The following PKD1L1 variants were observed in gnomAD, a reference collection of about 807,000 sequenced individuals.
The protein encoded by PKD1L1 is polycystin 1 like 1, transient receptor potential channel interacting, also known as polycystin-1-like protein 1.
A neutral mutation model predicts 323.4 loss-of-function variants in PKD1L1; 236 were observed. That is an observed-to-expected ratio of 0.73 (90% CI 0.66 to 0.81). The LOEUF is 0.81. PKD1L1 is among the 40% of genes least tolerant of loss of function. The pLI is 0.00. For missense variants in PKD1L1, 3,320 were observed against 3,508.0 expected, an observed-to-expected ratio of 0.95 and a Z score of 1.35; for synonymous variants, 1,344 against 1,335.0, an observed-to-expected ratio of 1.01 and a Z score of -0.15.
chr7:47,792,627 C>G lies in PKD1L1; in HGVS notation c.8526G>C (p.Glu2842Asp), dbSNP rs144364057. 1 of 1,610,964 alleles carries G rather than the reference C, an allele frequency of 6.2e-7. No homozygotes were observed. Among genetic ancestry groups the G allele is most frequent in the Non-Finnish European group, 8.5e-7 (1 of 1,178,134 alleles). The change falls in exon 56 of 57, where the codon GAG becomes GAC. Residue 2842 changes from glutamate (E) to aspartate (D), a missense_variant and splice_region_variant. Physicochemically the swap from Glu to Asp is conservative, Grantham distance 45. Transcript: ENST00000289672. ...CATAAATAATTTTGCATGGTCTTACCTCAGCAGCTTGGTAACTAGAAATGT... is the reference window on the plus strand; with the variant it reads ...CATAAATAATTTTGCATGGTCTTACGTCAGCAGCTTGGTAACTAGAAATGT... ...LVDISSYQAA[E>D]PADIKDF
chr7:47,951,704 G>A (rs1788207825), upstream of PKD1L1, among the ~76,000 whole-genome samples: 1 of 152,280 alleles, frequency 6.6e-6, no homozygotes, highest in Non-Finnish European at 1.5e-5. Flanking sequence ...TGTAATAGAT[G>A]GCATTTAATG....
chr7:47,873,649 CAAAAAAAAAAAAA>C (rs57012071), intron 24 of PKD1L1, among the ~76,000 whole-genome samples: 1 of 78,096 alleles, frequency 1.3e-5, no homozygotes, highest in African/African-American at 5.3e-5. Flanking sequence ...GACTCTGTCT[CAAAAAAAAAAAAA>C]AAAAAAAAAG....
intron 31 of PKD1L1, among the ~76,000 whole-genome samples, chr7:47,849,253 A>G (rs145610424): frequency 1.3e-5 from 2 of 152,360 alleles, no homozygotes; most frequent in Non-Finnish European, 2.9e-5. Flanking sequence ...ATTCTAAAAG[A>G]TAACATCAGA....
intron 7 of PKD1L1, among the ~76,000 whole-genome samples, chr7:47,917,834 C>A (rs1481318299): frequency 3.3e-5 from 5 of 152,042 alleles, no homozygotes; most frequent in Non-Finnish European, 1.5e-5. Context: ...AATCTTGAAA[C>A]AAATCCTGGA....
chr7:47,905,816 A>G, intron 10 of PKD1L1, 27 bp downstream of exon 10: 1 of 1,609,846 alleles, frequency 6.2e-7, no homozygotes, highest in Non-Finnish European at 8.5e-7. Context: ...GGTTTTTGTT[A>G]AATCTGGAAT....
At chr7:47,899,611 G>A (rs1787034584) in intron 13 of PKD1L1, among the ~76,000 whole-genome samples, 1 of 151,936 alleles carries the variant, frequency 6.6e-6, no homozygotes, top group Non-Finnish European at 1.5e-5. Flanking sequence ...CAGATGCTGG[G>A]TGCAGGGTCT....
chr7:47,951,121 G>C (rs1358881913), upstream of PKD1L1, among the ~76,000 whole-genome samples: 1 of 152,164 alleles, frequency 6.6e-6, no homozygotes, highest in Non-Finnish European at 1.5e-5. Context: ...AAAATATTCT[G>C]AATAAAATTA....
At position 47,898,464 on chromosome 7, in the gene PKD1L1, A is replaced by C. The variant is rs182695733; in HGVS notation, c.2065-270T>G. On this transcript the variant is annotated intron_variant, in intron 13 of 56. Coordinates refer to ENST00000289672, the MANE Select transcript of PKD1L1 (RefSeq NM_138295.5). Reference sequence around the variant, plus strand: ...GAAAAAACTTCCTATGCATAAAATTAATGGAAAAATAGCAAAGATATCTGA... The same window carrying C: ...GAAAAAACTTCCTATGCATAAAATTCATGGAAAAATAGCAAAGATATCTGA... Among the ~76,000 whole-genome samples the C allele has an allele frequency of 1.2e-4, 18 of 152,282 alleles. No homozygotes were observed. The East Asian group carries it at 3.5e-3, about 29-fold the overall frequency.
intron 30 of PKD1L1, among the ~76,000 whole-genome samples, chr7:47,854,177 T>G (rs1325433827): frequency 2.0e-5 from 3 of 152,214 alleles, no homozygotes; most frequent in Admixed American, 2.0e-4. Context: ...AAGGGCTGTG[T>G]GGACAGCGCC....
intron 26 of PKD1L1, among the ~76,000 whole-genome samples, chr7:47,859,870 C>T (rs1785988334): frequency 6.6e-6 from 1 of 152,024 alleles, no homozygotes; most frequent in African/African-American, 2.4e-5. Context: ...CCTCATGATC[C>T]ACCCGCCTCG....
At chr7:47,790,602 A>C (rs1165952123) in intron 56 of PKD1L1, among the ~76,000 whole-genome samples, 2 of 152,068 alleles carry the variant, frequency 1.3e-5, no homozygotes, top group Admixed American at 1.3e-4. Context: ...AAGTGCTGGG[A>C]TTACAGGCGT....
chr7:47,859,081 G>A (rs560525026), intron 26 of PKD1L1, among the ~76,000 whole-genome samples, 196 bp from the exon 27 acceptor site: 24 of 152,244 alleles, frequency 1.6e-4, no homozygotes, highest in African/African-American at 4.8e-4. Flanking sequence ...ACTGAACTAC[G>A]GGCTAAGAGA....
At position 47,905,933 on chromosome 7, in the gene PKD1L1, T is replaced by G. The variant is rs778959232; in HGVS notation, c.1432A>C (p.Ile478Leu). The G allele has an allele frequency of 6.2e-7, 1 of 1,611,940 alleles. No homozygotes were observed. The highest frequency in any genetic ancestry group is 2.2e-5 in the East Asian group (1 of 44,818). Residue 478 changes from isoleucine (I) to leucine (L), a missense_variant, in exon 10 of 57, where the codon ATT (isoleucine) becomes CTT (leucine). Physicochemically the swap from Ile to Leu is conservative, Grantham distance 5. Transcript: ENST00000289672. ...STVVIHHFPS[I>L]PSYNVSFISQ... ...ATAAAGGACACGTTATATGAAGGAA[T>G]AGATGGAAAGTGATGTATAACCACA...
chr7:47,926,580 A>T (rs141182557), intron 7 of PKD1L1, among the ~76,000 whole-genome samples: 2,235 of 152,324 alleles, frequency 0.015, 12 homozygotes, highest in Middle Eastern at 0.02. Context: ...ACTTAGTTTG[A>T]TTCTTTTCAT....
intron 43 of PKD1L1, among the ~76,000 whole-genome samples, 187 bp downstream of exon 43, chr7:47,829,853 T>A (rs1394392059): frequency 6.6e-6 from 1 of 152,176 alleles, no homozygotes; most frequent in Non-Finnish European, 1.5e-5. Context: ...CAAAGATTTT[T>A]ATGAGGATTA....
rs1368668141 is a variant in PKD1L1, at chr7:47,808,249, G to A, written c.7825C>T (p.Gln2609Ter). 1.2e-6 allele frequency: 2 copies of A among 1,614,020 alleles called. No individual in the cohort carries two copies. Among genetic ancestry groups the A allele is most frequent in the African/African-American group, 1.3e-5 (1 of 74,914 alleles). ...ATGGCCCTGAGCACACCGTGTACCT[G>A]ATTCCATGATGCCATAAGGGTGAGG... ...MDLTLMASWN[Q>*]RARWLRGILL... Residue 2609 changes from glutamine to a stop codon, truncating the protein, a stop_gained and splice_region_variant, in exon 52 of 57, where the codon CAG becomes TAG. Transcript: ENST00000289672. LOFTEE classifies it high-confidence loss of function.
At chr7:47,817,913 A>T in intron 46 of PKD1L1, 1 of 790,324 alleles carries the variant, frequency 1.3e-6, no homozygotes. Context: ...AGTCTAGTGA[A>T]TTAATTTATC....
intron 56 of PKD1L1, among the ~76,000 whole-genome samples, chr7:47,789,604 G>A (rs1786892209): frequency 6.6e-6 from 1 of 151,994 alleles, no homozygotes; most frequent in Non-Finnish European, 1.5e-5. Context: ...TTTCCTATTT[G>A]AGCTGAACAC....
intron 8 of PKD1L1, among the ~76,000 whole-genome samples, chr7:47,912,747 T>C (rs941187441): frequency 3.0e-5 from 4 of 133,992 alleles, no homozygotes; most frequent in Non-Finnish European, 6.1e-5. Context: ...ACCCAGGAGA[T>C]GGAGGTTGCA....
Sources: gnomAD v4.1 joint callset for allele counts (sites outside exome capture counted in the v4.1 genomes callset) on GRCh38, gnomAD v4.1.1 for gene constraint, MANE v1.5 for transcripts, NCBI Gene and HGNC (gene_info 2026-07-23, HGNC 2026-07-21) for gene names.